The following OPCML variants were observed in gnomAD, a reference collection of about 807,000 sequenced individuals.
OPCML encodes opioid binding protein/cell adhesion molecule like.
OPCML carries 13 observed loss-of-function variants against 37.8 expected under a neutral mutation model. That is an observed-to-expected ratio of 0.34 (90% confidence interval 0.22 to 0.55). OPCML has a LOEUF of 0.55. Among genes scored for constraint, OPCML ranks in the 20% least tolerant of loss-of-function variants. OPCML has a pLI of 0.91. For missense variants in OPCML, 341 were observed against 435.6 expected (o/e 0.78, Z 1.93); for synonymous variants, 176 against 168.8 (o/e 1.04, Z -0.33).
At chr11:133,386,730 AG>A (rs1437699732) in intron 1 of OPCML, among the ~76,000 whole-genome samples, 4 of 152,256 alleles carry the variant, frequency 2.6e-5, no homozygotes, top group African/African-American at 7.2e-5. Flanking sequence ...ATGACCTGTT[AG>A]TACGCACCCC....
intron 2 of OPCML, among the ~76,000 whole-genome samples, chr11:132,760,354 G>A (rs1946215121): frequency 6.6e-6 from 1 of 152,100 alleles, no homozygotes; most frequent in Non-Finnish European, 1.5e-5. Flanking sequence ...GAATATTTTT[G>A]TTAATTTTCT....
chr11:132,484,803 T>G (rs943135127), intron 4 of OPCML, among the ~76,000 whole-genome samples: 1 of 152,014 alleles, frequency 6.6e-6, no homozygotes, highest in South Asian at 2.1e-4. Flanking sequence ...TCATTCTCAG[T>G]AAACTATCGC....
chr11:133,366,057 C>G (rs541324265), intron 1 of OPCML: 2 of 152,242 alleles, frequency 1.3e-5, no homozygotes, highest in African/African-American at 4.8e-5. Flanking sequence ...CCACACCCCA[C>G]GTTTTCTCTT....
chr11:133,386,789 T>A (rs1023358768), intron 1 of OPCML, among the ~76,000 whole-genome samples: 3 of 152,182 alleles, frequency 2.0e-5, no homozygotes, highest in African/African-American at 7.2e-5. Context: ...GGGCCATGCT[T>A]CACTCCACAC....
At chr11:133,035,625 C>A (rs187779639) in intron 1 of OPCML, among the ~76,000 whole-genome samples, 2 of 152,294 alleles carry the variant, frequency 1.3e-5, no homozygotes, top group African/African-American at 4.8e-5. Flanking sequence ...TTCTTGGGGA[C>A]TGAATCGTGC....
chr11:133,140,165 C>A (rs182414315), intron 1 of OPCML, among the ~76,000 whole-genome samples: 2 of 131,314 alleles, frequency 1.5e-5, no homozygotes, highest in African/African-American at 5.8e-5. Flanking sequence ...ACAGCCTGGG[C>A]GACAGAGTGA....
intron 2 of OPCML, among the ~76,000 whole-genome samples, chr11:132,715,637 T>C (rs1435201268): frequency 6.6e-6 from 1 of 152,214 alleles, no homozygotes; most frequent in Admixed American, 6.5e-5. Flanking sequence ...TTCTGCCATG[T>C]GAGGTTACAA....
At chr11:133,075,339 C>T (rs548475978) in intron 1 of OPCML, among the ~76,000 whole-genome samples, 22 of 152,300 alleles carry the variant, frequency 1.4e-4, no homozygotes, top group African/African-American at 4.6e-4. Context: ...CAGGACAGAG[C>T]GTGCTGGGTC....
At position 132,550,751 on chromosome 11, in the gene OPCML, C is replaced by A. The variant is rs542177925; in HGVS notation, c.380-21565G>T. The stretch of plus-strand genomic sequence containing the variant: ...TTTTCACCCACTACTGCCAGAGGAA[C>A]CTGAGTCCCCAACTCTACACTCCAC... On this transcript the variant is annotated intron_variant, in intron 3 of 7. Coordinates refer to ENST00000524381, the MANE Select transcript of OPCML (RefSeq NM_001012393.5). Among the ~76,000 whole-genome samples the A allele has an allele frequency of 6.0e-4, 92 of 152,248 alleles. 1 individual carries two copies. The South Asian group carries it at 8.9e-3, about 15-fold the overall frequency.
intron 1 of OPCML, chr11:133,300,720 A>T (rs144520671): frequency 1.3e-5 from 2 of 152,262 alleles, no homozygotes; most frequent in East Asian, 3.9e-4. Flanking sequence ...GGAGATGGAG[A>T]TATTGCCCTG....
intron 2 of OPCML, among the ~76,000 whole-genome samples, chr11:132,863,016 C>T (rs1942370585): frequency 6.6e-6 from 1 of 152,180 alleles, no homozygotes; most frequent in Admixed American, 6.5e-5. Context: ...GTTAAGGTGA[C>T]TCTCTGCATA....
intron 1 of OPCML, among the ~76,000 whole-genome samples, chr11:132,980,154 A>T (rs1206466303): frequency 6.6e-6 from 1 of 152,208 alleles, no homozygotes; most frequent in African/African-American, 2.4e-5. Context: ...ACAAAGGAAG[A>T]TGAGATGGAT....
At chr11:133,047,061 A>G (rs1324716297) in intron 1 of OPCML, among the ~76,000 whole-genome samples, 1 of 152,206 alleles carries the variant, frequency 6.6e-6, no homozygotes, top group East Asian at 1.9e-4. Flanking sequence ...TCAGACCTGA[A>G]ACGGTGATTG....
At chr11:133,048,234 T>C (rs181410108) in intron 1 of OPCML, among the ~76,000 whole-genome samples, 20 of 152,280 alleles carry the variant, frequency 1.3e-4, no homozygotes, top group African/African-American at 4.8e-4. Flanking sequence ...AACAATCCCA[T>C]GAGGGATGTA....
intron 2 of OPCML, among the ~76,000 whole-genome samples, chr11:132,723,060 C>A (rs1398146983): frequency 6.6e-6 from 1 of 152,098 alleles, no homozygotes; most frequent in African/African-American, 2.4e-5. Context: ...AAAAAGAGAA[C>A]CTGATAATGC....
At chr11:133,498,944 T>C (rs374368276) in intron 1 of OPCML, among the ~76,000 whole-genome samples, 3 of 152,306 alleles carry the variant, frequency 2.0e-5, no homozygotes, top group Non-Finnish European at 2.9e-5. Flanking sequence ...TGTGGTAAGA[T>C]TGTTACCACT....
intron 2 of OPCML, among the ~76,000 whole-genome samples, chr11:132,813,109 A>G (rs1355860620): frequency 6.6e-6 from 1 of 152,146 alleles, no homozygotes; most frequent in East Asian, 1.9e-4. Flanking sequence ...TAATAATTTC[A>G]TTGCTTTTGA....
chr11:133,275,508 C>T (rs1040159962), intron 1 of OPCML, among the ~76,000 whole-genome samples: 1 of 152,150 alleles, frequency 6.6e-6, no homozygotes, highest in African/African-American at 2.4e-5. Context: ...CGTGGGACTT[C>T]ATCATGGGCC....
chr11:133,252,766 G>C lies in OPCML; in HGVS notation c.61+279498C>G, dbSNP rs947520671. Among the ~76,000 whole-genome samples, 8 of 152,118 alleles carry C rather than the reference G, an allele frequency of 5.3e-5. No homozygotes were observed. In the East Asian group the frequency reaches 1.5e-3, roughly 29 times the overall value. On this transcript the variant is annotated intron_variant, in intron 1 of 7. Transcript: ENST00000524381. ...ACCCTCATTCTGCTTCCCAAGTAGG[G>C]GAAAAGGTAGGAGGGTTATGGTCAA...
Sources: gnomAD v4.1 joint callset for allele counts (sites outside exome capture counted in the v4.1 genomes callset) on GRCh38, gnomAD v4.1.1 for gene constraint, MANE v1.5 for transcripts, NCBI Gene and HGNC (gene_info 2026-07-23, HGNC 2026-07-21) for gene names.